Variants in EFCAB7 observed in about 807,000 individuals in gnomAD.
EFCAB7 encodes the protein EF-hand calcium-binding domain-containing protein 7.
A neutral mutation model predicts 77.1 loss-of-function variants in EFCAB7; 66 were observed. That is an observed-to-expected ratio of 0.86 (90% CI 0.70 to 1.05). EFCAB7 has a LOEUF of 1.05. EFCAB7 is among the 50% of genes least tolerant of loss of function. The probability of loss-of-function intolerance (pLI) is 0.00; values close to 1 mark genes in which losing one functional copy is unlikely to be tolerated. For missense variants in EFCAB7, 638 were observed against 730.5 expected (o/e 0.87, Z 1.46); for synonymous variants, 225 against 243.3 (o/e 0.92, Z 0.70).
rs751817382 is a variant in EFCAB7, at chr1:63,571,141, T to C, written c.1815+13T>C. The C allele has an allele frequency of 1.7e-5, 26 of 1,573,074 alleles. No individual in the cohort carries two copies. Among genetic ancestry groups the C allele is most frequent in the Non-Finnish European group, 2.2e-5 (25 of 1,154,088 alleles). On this transcript the variant is annotated intron_variant, in intron 13 of 13. Coordinates refer to ENST00000371088, the MANE Select transcript of EFCAB7 (RefSeq NM_032437.4). ...CAAATCTACAATGGTAATGTATTAT[T>C]TTCTAATTAAAGCCTTTTGTTTTAT...
intron 6 of EFCAB7, 43 bp downstream of exon 6, chr1:63,534,259 T>A (rs1218919937): frequency 8.3e-6 from 13 of 1,571,214 alleles, no homozygotes; most frequent in African/African-American, 4.1e-5. Context: ...CTGAAAAAAA[T>A]TTGACATTAA....
intron 8 of EFCAB7, among the ~76,000 whole-genome samples, chr1:63,553,564 T>C (rs895471135): frequency 7.9e-5 from 12 of 152,184 alleles, no homozygotes; most frequent in Admixed American, 2.0e-4. Context: ...GGTCTCGATC[T>C]CTTGACCTCA....
chr1:63,555,686 A>G (rs1269390993), intron 9 of EFCAB7, among the ~76,000 whole-genome samples, 171 bp downstream of exon 9: 1 of 152,154 alleles, frequency 6.6e-6, no homozygotes, highest in Non-Finnish European at 1.5e-5. Context: ...TAAGTTAAAT[A>G]AGCCAGGCAC....
downstream of EFCAB7, among the ~76,000 whole-genome samples, chr1:63,572,856 A>G (rs559053516): frequency 5.3e-4 from 80 of 152,196 alleles, no homozygotes; most frequent in Non-Finnish European, 7.9e-4. Context: ...GGTAAAGGAA[A>G]ATTACAGTCA....
chr1:63,527,910 TTTTC>T (rs1646624116), intron 2 of EFCAB7: 1 of 152,196 alleles, frequency 6.6e-6, no homozygotes. Context: ...GAAGATATAA[TTTTC>T]TTTCATGTGG....
intron 2 of EFCAB7, among the ~76,000 whole-genome samples, chr1:63,531,186 A>C (rs1216833649): frequency 6.6e-6 from 1 of 152,060 alleles, no homozygotes; most frequent in Non-Finnish European, 1.5e-5. Context: ...ATAGTACTTA[A>C]GTTCCCCTTC....
intron 2 of EFCAB7, among the ~76,000 whole-genome samples, chr1:63,528,523 C>G (rs1418609941): frequency 6.6e-6 from 1 of 151,524 alleles, no homozygotes; most frequent in African/African-American, 2.4e-5. Flanking sequence ...CAGGGTGACA[C>G]TAGTAAAAAA....
At chr1:63,574,345 G>T (rs1047914889), downstream of EFCAB7, among the ~76,000 whole-genome samples, 1 of 152,198 alleles carries the variant, frequency 6.6e-6, no homozygotes, top group Admixed American at 6.5e-5. Context: ...AATGATGACA[G>T]AATAGAATGG....
intron 6 of EFCAB7, among the ~76,000 whole-genome samples, chr1:63,540,840 A>G (rs1303773601): frequency 6.9e-6 from 1 of 144,814 alleles, no homozygotes; most frequent in East Asian, 2.1e-4. Context: ...GTTTATAATG[A>G]TAAAATCTTA....
At chr1:63,576,758 C>T (rs1008289907), downstream of EFCAB7, among the ~76,000 whole-genome samples, 3 of 151,958 alleles carry the variant, frequency 2.0e-5, no homozygotes, top group East Asian at 5.8e-4. Flanking sequence ...ATCACTTGAA[C>T]CCGGGAGGCA....
In EFCAB7 at chr1:63,568,306, T is replaced by C. The variant is rs758033797; in HGVS notation, c.1498-4T>C. On this transcript the variant is annotated splice_polypyrimidine_tract_variant and splice_region_variant and intron_variant, in intron 11 of 13. Transcript: ENST00000371088. The stretch of plus-strand genomic sequence containing the variant: ...GCTGAAACAAGATTTTTTTTTCCTA[T>C]CAGGCATGTCCATTTGTCATTGATA... 1 of 1,593,682 alleles carries C rather than the reference T, an allele frequency of 6.3e-7. No individual in the cohort carries two copies. The highest frequency in any genetic ancestry group is 1.8e-5 in the Admixed American group (1 of 55,534).
At chr1:63,561,678 T>G (rs1392378759) in intron 10 of EFCAB7, 31 bp from the exon 11 acceptor site, 1 of 1,456,024 alleles carries the variant, frequency 6.9e-7, no homozygotes, top group Non-Finnish European at 9.3e-7. Context: ...TTTTAAATTA[T>G]GTAAGAAAAA....
In EFCAB7 at chr1:63,534,186, C is replaced by T. The variant is rs750236107; in HGVS notation, c.774C>T (p.Asn258=). ...CCATGGGGGCTAATGGTAACCGAAA[C>T]TCAAAGTTAATGGAGCCAAATTTAA... is the stretch of plus-strand genomic sequence containing the variant. ...TVTMGANGNR[N]SKLMEPNLIK... The change falls in exon 6 of 14, where the codon AAC becomes AAT. Residue 258 remains asparagine (N), a synonymous_variant. Coordinates refer to ENST00000371088, the MANE Select transcript of EFCAB7 (RefSeq NM_032437.4). 6.8e-6 allele frequency: 11 copies of T among 1,612,766 alleles called. No homozygotes were observed. The South Asian group carries it at 9.9e-5, about 15-fold the overall frequency.
At chr1:63,568,720 T>C (rs551615468) in intron 12 of EFCAB7, 18 of 438,436 alleles carry the variant, frequency 4.1e-5, no homozygotes, top group African/African-American at 3.5e-4. Context: ...AGGTTTCCAA[T>C]TTTTTCTCTT....
At chr1:63,561,029 A>T (rs1647093895) in intron 10 of EFCAB7, among the ~76,000 whole-genome samples, 1 of 152,252 alleles carries the variant, frequency 6.6e-6, no homozygotes, top group Non-Finnish European at 1.5e-5. Flanking sequence ...ACGACTTATT[A>T]TCCATGTTAC....
downstream of EFCAB7, among the ~76,000 whole-genome samples, chr1:63,573,232 T>G (rs370961348): frequency 1.3e-5 from 2 of 152,092 alleles, no homozygotes; most frequent in African/African-American, 4.8e-5. Context: ...CGAGTGGGAT[T>G]AGGGGTGGCG....
chr1:63,529,317 G>C (rs575976989), intron 2 of EFCAB7: 1 of 152,340 alleles, frequency 6.6e-6, no homozygotes, highest in East Asian at 1.9e-4. Context: ...GCATAATCTA[G>C]AGGAGAAGAG....
chr1:63,537,745 C>G (rs1646780117), intron 6 of EFCAB7, among the ~76,000 whole-genome samples: 1 of 152,160 alleles, frequency 6.6e-6, no homozygotes. Flanking sequence ...CCTGTCTTAT[C>G]ATACCCCAAA....
At position 63,572,560 on chromosome 1, in the gene EFCAB7, T is replaced by G. The variant is rs955473455; in HGVS notation, c.*44T>G. The stretch of plus-strand genomic sequence containing the variant: ...TACCAAACTAAGAATTATTTCAGAT[T>G]TAGTCTGTTATTTATTAAACAACTA... On this transcript the variant is annotated 3_prime_UTR_variant, in exon 14 of 14. Coordinates refer to ENST00000371088, the MANE Select transcript of EFCAB7 (RefSeq NM_032437.4). The G allele has an allele frequency of 7.5e-6, 10 of 1,342,044 alleles. No homozygotes were observed. The highest frequency in any genetic ancestry group is 1.0e-5 in the Non-Finnish European group (10 of 1,001,462). 83.1% of individuals were successfully genotyped at this position (1,342,044 alleles called of 1,614,324 possible).
Sources: gnomAD v4.1 joint callset for allele counts (sites outside exome capture counted in the v4.1 genomes callset) on GRCh38, gnomAD v4.1.1 for gene constraint, MANE v1.5 for transcripts, NCBI Gene and HGNC (gene_info 2026-07-23, HGNC 2026-07-21) for gene names.